The following RGL3 variants were observed in gnomAD, a reference collection of about 807,000 sequenced individuals.
The protein encoded by RGL3 is ral guanine nucleotide dissociation stimulator-like 3.
A neutral mutation model predicts 90.6 loss-of-function variants in RGL3; 85 were observed. That is an observed-to-expected ratio of 0.94 (90% confidence interval 0.79 to 1.12). RGL3 has a LOEUF of 1.12. Among genes scored for constraint, RGL3 ranks in the 50% most tolerant of loss-of-function variants. The pLI is 0.00. For missense variants in RGL3, 1,034 were observed against 939.2 expected (o/e 1.10, Z -1.32); for synonymous variants, 408 against 385.5 (o/e 1.06, Z -0.68).
rs1325567473 is a variant in RGL3 at position 11,406,413 on chromosome 19, A to G, written c.996+6T>C. On this transcript the variant is annotated splice_donor_region_variant and intron_variant, in intron 7 of 18. Coordinates refer to ENST00000380456, the MANE Select transcript of RGL3 (RefSeq NM_001035223.4). ...CCCGCATCCCCTCTCCGCGCCCGCA[A>G]CACACCTGGGCGATGCGGATCCACT... The G allele has an allele frequency of 1.3e-6, 2 of 1,531,384 alleles. No individual in the cohort carries two copies. The highest frequency in any genetic ancestry group is 2.4e-5 in the South Asian group (2 of 83,826). 94.9% of individuals were successfully genotyped at this position (1,531,384 alleles called of 1,614,324 possible).
Position 11,394,374 on chromosome 19 carries a change from T to C in RGL3, c.*28A>G. ...GAGTCGCAAGCTTGCCTGTGGGACT[T>C]GTGTCTTGTGGAGAGGACAGGGCTG... On this transcript the variant is annotated 3_prime_UTR_variant, in exon 19 of 19. Coordinates refer to ENST00000380456, the MANE Select transcript of RGL3 (RefSeq NM_001035223.4). 3 of 1,553,090 alleles carry C rather than the reference T, an allele frequency of 1.9e-6. No homozygotes were observed. The South Asian group carries it at 3.3e-5, about 17-fold the overall frequency.
At chr19:11,402,280 C>CAGGGACA in intron 11 of RGL3, 33 bp from the exon 12 acceptor site, 1 of 1,612,094 alleles carries the variant, frequency 6.2e-7, no homozygotes, top group South Asian at 1.1e-5. Flanking sequence ...TTGCAGCACC[C>CAGGGACA]AGGGTCAAGG....
At chr19:11,397,162 C>T in intron 18 of RGL3, 82 bp downstream of exon 18, 1 of 1,194,974 alleles carries the variant, frequency 8.4e-7, no homozygotes, top group South Asian at 1.3e-5. Flanking sequence ...CCCGGGTAAC[C>T]TTGGGCTCCA....
At chr19:11,398,695 C>A (rs112315719) in intron 16 of RGL3, among the ~76,000 whole-genome samples, 22,932 of 150,294 alleles carry the variant, frequency 0.15, 2,820 homozygotes, top group African/African-American at 0.35. Flanking sequence ...TTAGAGGGAG[C>A]CTCGCTCTGT....
At chr19:11,418,539 G>T in intron 2 of RGL3, 132 bp downstream of exon 2, 1 of 611,062 alleles carries the variant, frequency 1.6e-6, no homozygotes, top group Non-Finnish European at 2.7e-6. Flanking sequence ...CTACCTGGTC[G>T]CCTCATCTGG....
intron 18 of RGL3, among the ~76,000 whole-genome samples, chr19:11,396,161 T>TTA (rs1968568633): frequency 2.2e-5 from 1 of 45,136 alleles, no homozygotes; most frequent in Non-Finnish European, 4.2e-5. Flanking sequence ...TATATATATT[T>TTA]TTTTTTTTTT....
At chr19:11,417,206 C>G (rs973625736) in intron 2 of RGL3, 147 bp from the exon 3 acceptor site, 1 of 645,678 alleles carries the variant, frequency 1.5e-6, no homozygotes, top group Non-Finnish European at 2.6e-6. Flanking sequence ...GGCTGGAGTG[C>G]AGTGGCACGA....
At chr19:11,406,140 C>T (rs1461470162) in intron 7 of RGL3, among the ~76,000 whole-genome samples, 1 of 152,010 alleles carries the variant, frequency 6.6e-6, no homozygotes, top group Non-Finnish European at 1.5e-5. Flanking sequence ...CCTCGGGCTC[C>T]AGCCCCTCCC....
In RGL3 at chr19:11,397,447, A is replaced by G. The variant is rs772951554; in HGVS notation, c.1897T>C (p.Leu633=). 5 of 1,605,042 alleles carry G rather than the reference A, an allele frequency of 3.1e-6. No individual in the cohort carries two copies. In the South Asian group the frequency reaches 5.6e-5, roughly 18 times the overall value. Residue 633 remains leucine (L), a splice_region_variant and synonymous_variant, in exon 17 of 19, where the codon TTG becomes CTG. Coordinates refer to ENST00000380456, the MANE Select transcript of RGL3 (RefSeq NM_001035223.4). Reference sequence around the variant, plus strand: ...AGACCCCCAGCCCAGCCCCTCACCAAGATGCTTCGATACAGGTTCCCGTGG... The same window carrying G: ...AGACCCCCAGCCCAGCCCCTCACCAGGATGCTTCGATACAGGTTCCCGTGG... ...NDHGNLYRSI[L]LTSQDKAPSV...
intron 15 of RGL3, 35 bp downstream of exon 15, chr19:11,400,005 T>C: frequency 6.3e-7 from 1 of 1,597,460 alleles, no homozygotes. Context: ...CCTGATCCCA[T>C]GATCCCCAGT....
Position 11,402,251 on chromosome 19 carries a change from G to C in RGL3, c.1330-4C>G. 1.9e-6 allele frequency: 3 copies of C among 1,613,320 alleles called. No homozygotes were observed. Among genetic ancestry groups the C allele is most frequent in the Non-Finnish European group, 2.5e-6 (3 of 1,179,968 alleles). Reference sequence around the variant, plus strand: ...TCTCAAAGTTAATGAGATCCCCCTGGGGGCAAAGTGTGTCTGAATTGCAGC... The same window carrying C: ...TCTCAAAGTTAATGAGATCCCCCTGCGGGCAAAGTGTGTCTGAATTGCAGC... On this transcript the variant is annotated splice_region_variant and splice_polypyrimidine_tract_variant and intron_variant, in intron 11 of 18. Transcript: ENST00000380456.
chr19:11,414,318 T>C (rs1390259628), intron 5 of RGL3, among the ~76,000 whole-genome samples: 4 of 83,222 alleles, frequency 4.8e-5, no homozygotes, highest in Non-Finnish European at 6.5e-5. Flanking sequence ...TATATATATA[T>C]ACCTTCATAT....
At chr19:11,396,970 A>AC (rs755767663) in intron 18 of RGL3, among the ~76,000 whole-genome samples, 6 of 151,730 alleles carry the variant, frequency 4.0e-5, no homozygotes, top group Non-Finnish European at 8.8e-5. Context: ...GCCTGGCCGG[A>AC]CCCTGGACAA....
chr19:11,416,104 T>C lies in RGL3; in HGVS notation c.470A>G (p.Gln157Arg), dbSNP rs764803063. Residue 157 changes from glutamine (Q) to arginine (R), a missense_variant, in exon 5 of 19, where the codon CAG becomes CGG. Gln to Arg is a conservative substitution (Grantham distance 43, BLOSUM62 1). Coordinates refer to ENST00000380456, the MANE Select transcript of RGL3 (RefSeq NM_001035223.4). ...ATGGGCAGGGTGGTCTCGGAAATCC[T>C]GAGGGTGGTCCTGCAGCCAGGAGCC... is the stretch of plus-strand genomic sequence containing the variant. ...VLGSWLQDHPQDFRDHPAHSD... is the reference protein window; with the variant it reads ...VLGSWLQDHPRDFRDHPAHSD... The C allele has an allele frequency of 1.9e-6, 3 of 1,601,744 alleles. No individual in the cohort carries two copies. In the Admixed American group the frequency reaches 5.2e-5, roughly 28 times the overall value.
intron 9 of RGL3, among the ~76,000 whole-genome samples, chr19:11,403,622 A>G (rs936216160): frequency 6.7e-6 from 1 of 148,818 alleles, no homozygotes; most frequent in Non-Finnish European, 1.5e-5. Flanking sequence ...CTTGGGCAAC[A>G]AGACCAAAAC....
chr19:11,414,796 C>T (rs116886975), intron 5 of RGL3, among the ~76,000 whole-genome samples: 4,648 of 151,890 alleles, frequency 0.031, 109 homozygotes, highest in Non-Finnish European at 0.042. Context: ...AACAGGTCCT[C>T]CTCTCATGCA....
intron 4 of RGL3, 113 bp downstream of exon 4, chr19:11,416,501 A>G (rs947160867): frequency 8.7e-6 from 9 of 1,035,838 alleles, no homozygotes; most frequent in Non-Finnish European, 1.4e-5. Context: ...GCCCCACCTG[A>G]CTCCCAGTCT....
At chr19:11,416,483 G>A in intron 4 of RGL3, 131 bp downstream of exon 4, 3 of 902,614 alleles carry the variant, frequency 3.3e-6, no homozygotes, top group Admixed American at 1.7e-5. Flanking sequence ...ACAGGCATGA[G>A]CCACCACGCC....
At chr19:11,418,825 G>T in intron 1 of RGL3, 41 bp from the exon 2 acceptor site, 1 of 1,479,556 alleles carries the variant, frequency 6.8e-7, no homozygotes. Context: ...AGGGGCACAG[G>T]TCCTGGGGCC....
Sources: gnomAD v4.1 joint callset for allele counts (sites outside exome capture counted in the v4.1 genomes callset) on GRCh38, gnomAD v4.1.1 for gene constraint, MANE v1.5 for transcripts, NCBI Gene and HGNC (gene_info 2026-07-23, HGNC 2026-07-21) for gene names.